TBC1D32: variants seen among roughly 807,000 people sequenced by gnomAD.
TBC1D32 encodes protein broad-minded.
In TBC1D32, 151 loss-of-function variants were observed where a neutral mutation model predicts 170.3. That is an observed-to-expected ratio of 0.89 (90% CI 0.78 to 1.01). The LOEUF is 1.01. Among genes scored for constraint, TBC1D32 ranks in the 50% least tolerant of loss-of-function variants. The probability of loss-of-function intolerance (pLI) is 0.00; values close to 1 mark genes in which losing one functional copy is unlikely to be tolerated. For missense variants in TBC1D32, 1,464 were observed against 1,457.1 expected (o/e 1.00, Z -0.08); for synonymous variants, 498 against 488.0 (o/e 1.02, Z -0.27).
chr6:121,221,347 G>T (rs1293519511), intron 21 of TBC1D32, among the ~76,000 whole-genome samples: 1 of 152,190 alleles, frequency 6.6e-6, no homozygotes, highest in Non-Finnish European at 1.5e-5. Flanking sequence ...TGTTTAAGGA[G>T]ATTAATATTG....
At chr6:121,254,318 A>T (rs1211829132) in intron 17 of TBC1D32, among the ~76,000 whole-genome samples, 1 of 152,158 alleles carries the variant, frequency 6.6e-6, no homozygotes, top group Non-Finnish European at 1.5e-5. Context: ...GATGCACAAA[A>T]AGCTCAGAAA....
chr6:121,080,519 T>C lies in TBC1D32; in HGVS notation c.*252A>G. 2.7e-6 allele frequency: 1 copy of C among 366,794 alleles called. No individual in the cohort carries two copies. 22.7% of individuals were successfully genotyped at this position (366,794 alleles called of 1,614,324 possible). On this transcript the variant is annotated 3_prime_UTR_variant, in exon 32 of 32. Coordinates refer to ENST00000398212, the MANE Select transcript of TBC1D32 (RefSeq NM_152730.6). ...ATGAGCCACCGCGCCTGGCCAGGACTAACTCTTAAACATGAATAAGAACTA... is the reference window on the plus strand; with the variant it reads ...ATGAGCCACCGCGCCTGGCCAGGACCAACTCTTAAACATGAATAAGAACTA...
chr6:121,099,433 C>G (rs1198231870), intron 30 of TBC1D32, among the ~76,000 whole-genome samples: 1 of 151,814 alleles, frequency 6.6e-6, no homozygotes, highest in Non-Finnish European at 1.5e-5. Flanking sequence ...ATATGCATTT[C>G]TTGCTACATT....
chr6:121,122,438 A>G (rs1228751311), intron 26 of TBC1D32, among the ~76,000 whole-genome samples: 1 of 151,724 alleles, frequency 6.6e-6, no homozygotes, highest in Non-Finnish European at 1.5e-5. Flanking sequence ...TAACACCACC[A>G]ATTCCTCTCC....
chr6:121,312,203 G>T (rs900153925), intron 3 of TBC1D32, among the ~76,000 whole-genome samples: 1 of 152,044 alleles, frequency 6.6e-6, no homozygotes, highest in African/African-American at 2.4e-5. Context: ...GGGAATGAGG[G>T]GCAAGGGGAG....
At chr6:121,106,424 T>A (rs1300959201) in intron 29 of TBC1D32, among the ~76,000 whole-genome samples, 1 of 151,984 alleles carries the variant, frequency 6.6e-6, no homozygotes, top group Non-Finnish European at 1.5e-5. Context: ...TAATTTATAA[T>A]CTTGGCAACT....
intron 3 of TBC1D32, among the ~76,000 whole-genome samples, chr6:121,316,623 A>G (rs1328586842): frequency 2.0e-5 from 3 of 152,158 alleles, no homozygotes; most frequent in Non-Finnish European, 2.9e-5. Context: ...AAATGATGCA[A>G]TGGTGGCAAT....
rs79652131 is a variant in TBC1D32, at chr6:121,323,615, C to A, written c.156-1821G>T. Among the ~76,000 whole-genome samples the A allele has an allele frequency of 8.8e-3, 1,347 of 152,234 alleles. 24 individuals carry two copies. Among genetic ancestry groups the A allele is most frequent in the African/African-American group, 0.031 (1,273 of 41,548 alleles). ...ACGAGGCTACATTCAAAATTCCCAA[C>A]AAACCTTCAACCATGTTGATCTTCA... On this transcript the variant is annotated intron_variant, in intron 1 of 31. Transcript: ENST00000398212.
At chr6:121,195,292 G>C (rs1269987236) in intron 22 of TBC1D32, among the ~76,000 whole-genome samples, 1 of 152,200 alleles carries the variant, frequency 6.6e-6, no homozygotes, top group East Asian at 1.9e-4. Context: ...AGATAGGGAT[G>C]CTGTTTGGAG....
intron 30 of TBC1D32, chr6:121,096,399 A>T (rs1777412248): frequency 6.6e-6 from 1 of 152,106 alleles, no homozygotes; most frequent in South Asian, 2.1e-4. Context: ...CTATACACCA[A>T]TAACAGACAA....
chr6:121,283,971 T>A, intron 12 of TBC1D32, 61 bp from the exon 13 acceptor site: 1 of 1,235,498 alleles, frequency 8.1e-7, no homozygotes, highest in Non-Finnish European at 1.2e-6. Flanking sequence ...TTAAGAGAAA[T>A]TTAACTGAGC....
intron 24 of TBC1D32, among the ~76,000 whole-genome samples, chr6:121,152,732 T>C (rs986204854): frequency 6.6e-6 from 1 of 152,148 alleles, no homozygotes; most frequent in Non-Finnish European, 1.5e-5. Flanking sequence ...CTTGTCTTCA[T>C]GCTTTATTTC....
At chr6:121,267,170 T>G (rs1800637326) in intron 15 of TBC1D32, among the ~76,000 whole-genome samples, 1 of 144,020 alleles carries the variant, frequency 6.9e-6, no homozygotes, top group South Asian at 2.2e-4. Context: ...GATGGCTGAA[T>G]AGGAACAGCT....
rs76175869 is a variant in TBC1D32 at position 121,111,104 on chromosome 6, A to G, written c.3324+1401T>C. ...CTTCCATTCATATATTCCATATTCA[A>G]TGATGCTATCAAAATGGTAAGTCAA... On this transcript the variant is annotated intron_variant, in intron 29 of 31. Coordinates refer to ENST00000398212, the MANE Select transcript of TBC1D32 (RefSeq NM_152730.6). 9.9e-3 allele frequency among the ~76,000 whole-genome samples: 1,510 copies of G among 152,276 alleles called. 20 individuals carry two copies. Among genetic ancestry groups the G allele is most frequent in the African/African-American group, 0.034 (1,419 of 41,564 alleles).
intron 15 of TBC1D32, among the ~76,000 whole-genome samples, chr6:121,266,369 C>A (rs1464514907): frequency 1.3e-5 from 2 of 152,004 alleles, no homozygotes; most frequent in Non-Finnish European, 2.9e-5. Flanking sequence ...AATGAGATAC[C>A]ATCTCATGCC....
chr6:121,213,524 T>TAAAATAAATA (rs371151560), intron 21 of TBC1D32, among the ~76,000 whole-genome samples: 43 of 31,182 alleles, frequency 1.4e-3, no homozygotes, highest in African/African-American at 5.5e-3. Flanking sequence ...TAAAATAAAA[T>TAAAATAAATA]AAATAAAATA....
intron 21 of TBC1D32, among the ~76,000 whole-genome samples, chr6:121,208,228 G>A (rs1404250184): frequency 2.0e-5 from 3 of 151,866 alleles, no homozygotes; most frequent in Non-Finnish European, 2.9e-5. Context: ...CCATTCTCAC[G>A]CTGTTAATAA....
chr6:121,209,988 C>A (rs759729908), intron 21 of TBC1D32, among the ~76,000 whole-genome samples: 3 of 152,158 alleles, frequency 2.0e-5, no homozygotes, highest in Non-Finnish European at 2.9e-5. Context: ...TATCGTAGAG[C>A]TGGATGGTAA....
At chr6:121,274,356 C>CA (rs1397244023) in intron 15 of TBC1D32, among the ~76,000 whole-genome samples, 13 of 145,966 alleles carry the variant, frequency 8.9e-5, no homozygotes, top group African/African-American at 3.1e-4. Flanking sequence ...AAACAAACAA[C>CA]AACAAAAAAA....
Sources: allele counts gnomAD v4.1 joint callset (sites outside exome capture counted in the v4.1 genomes callset), GRCh38; gene constraint gnomAD v4.1.1; transcripts MANE v1.5; gene names NCBI Gene and HGNC (gene_info 2026-07-23, HGNC 2026-07-21).